The following MACF1 variants were observed in gnomAD, a reference collection of about 807,000 sequenced individuals.
MACF1 encodes the protein microtubule actin crosslinking factor 1.
MACF1 carries 193 observed loss-of-function variants against 854.8 expected under a neutral mutation model. That is an observed-to-expected ratio of 0.23 (90% CI 0.20 to 0.25). MACF1 has a LOEUF of 0.25. Ranked by LOEUF, MACF1 falls within the 10% of genes least tolerant of loss-of-function variation. The pLI, the probability that MACF1 is intolerant of heterozygous loss-of-function variation, is 1.00. For synonymous variants in MACF1, 3,185 were observed against 3,226.7 expected (o/e 0.99, Z 0.44); for missense variants, 7,722 against 8,929.1 (o/e 0.86, Z 5.45).
At chr1:39,453,948 CTG>C (rs1644386625) in intron 88 of MACF1, 98 bp downstream of exon 88, 1 of 1,374,172 alleles carries the variant, frequency 7.3e-7, no homozygotes, top group African/African-American at 1.4e-5. Context: ...CTTTCACTCA[CTG>C]TGAATAACTC....
In MACF1 at chr1:39,332,450, G is replaced by C. The variant is rs146588986; in HGVS notation, c.5862G>C (p.Lys1954Asn). Residue 1954 changes from lysine (K) to asparagine (N), a missense_variant, in exon 37 of 101, where the codon AAG becomes AAC. This residue lies in a region of MACF1 where 1,531 missense variants were observed against 1,601.6 expected (regional missense o/e 0.96). Transcript: ENST00000564288. ...AVLPCSKSHP[K>N]ATASQSENLL... Reference sequence around the variant, plus strand: ...TACCGTGCAGCAAGAGCCACCCTAAGGCCACAGCAAGCCAGAGTGAGAATC... The same window carrying C: ...TACCGTGCAGCAAGAGCCACCCTAACGCCACAGCAAGCCAGAGTGAGAATC... The C allele has an allele frequency of 6.2e-7, 1 of 1,613,876 alleles. No homozygotes were observed. The highest frequency in any genetic ancestry group is 1.3e-5 in the African/African-American group (1 of 74,908).
chr1:39,476,959 C>T (rs1185526128), intron 97 of MACF1, among the ~76,000 whole-genome samples: 1 of 144,448 alleles, frequency 6.9e-6, no homozygotes, highest in Non-Finnish European at 1.5e-5. Flanking sequence ...TCCCTGCCCA[C>T]TTCTAAAACA....
intron 2 of MACF1, among the ~76,000 whole-genome samples, chr1:39,197,983 A>G (rs1644342478): frequency 6.6e-6 from 1 of 152,080 alleles, no homozygotes; most frequent in Non-Finnish European, 1.5e-5. Flanking sequence ...AGATCACTTG[A>G]GCCCAGGAGT....
Position 39,118,406 on chromosome 1 carries a change from C to T in MACF1, c.220+33968C>T, listed in dbSNP as rs80312227. Among the ~76,000 whole-genome samples, 833 of 152,324 alleles carry T rather than the reference C, an allele frequency of 5.5e-3. 10 individuals carry two copies. Among genetic ancestry groups the T allele is most frequent in the Middle Eastern group, 0.017 (5 of 294 alleles). Reference sequence around the variant, plus strand: ...CAGAGTAGGTGGGGTACTTTGAGGTCCTCATACCTTTCAGAGGACTGGATC... The same window carrying T: ...CAGAGTAGGTGGGGTACTTTGAGGTTCTCATACCTTTCAGAGGACTGGATC... On this transcript the variant is annotated intron_variant, in intron 2 of 93. Coordinates refer to the MACF1 transcript ENST00000361689.
At chr1:39,476,370 A>G (rs1644882510) in intron 97 of MACF1, among the ~76,000 whole-genome samples, 1 of 151,982 alleles carries the variant, frequency 6.6e-6, no homozygotes, top group Non-Finnish European at 1.5e-5. Context: ...GGAGATGGAG[A>G]CCATCCTGGC....
chr1:39,280,789 G>A (rs1409546010), intron 6 of MACF1, among the ~76,000 whole-genome samples: 1 of 151,834 alleles, frequency 6.6e-6, no homozygotes, highest in Non-Finnish European at 1.5e-5. Flanking sequence ...TGTCGGCCAG[G>A]CTGGTCTCAA....
intron 7 of MACF1, 88 bp downstream of exon 7, chr1:39,282,462 ATC>A: frequency 7.7e-7 from 1 of 1,301,596 alleles, no homozygotes; most frequent in African/African-American, 1.5e-5. Context: ...CATCTCCTCA[ATC>A]AAAAATCAAA....
intron 23 of MACF1, among the ~76,000 whole-genome samples, chr1:39,307,901 C>CTTTTTT (rs34930273): frequency 7.1e-4 from 36 of 50,398 alleles, no homozygotes; most frequent in African/African-American, 1.7e-3. Context: ...TTCTTTCTTT[C>CTTTTTT]TTTTTTTTTT....
rs753230791 is a variant in MACF1 at position 39,382,132 on chromosome 1, G to A, written c.13828G>A (p.Ala4610Thr). Residue 4610 changes from alanine (A) to threonine (T), a missense_variant, in exon 56 of 101, where the codon GCA becomes ACA. This residue lies in a region of MACF1 where 2,807 missense variants were observed against 3,235.8 expected (regional missense o/e 0.87). Coordinates refer to ENST00000564288, the MANE Select transcript of MACF1 (RefSeq NM_001394062.1). ...GTCTATTGACCCCAACATGTTGAATGCACAAAAGCAACAGGTCCAGGTGAG... is the reference window on the plus strand; with the variant it reads ...GTCTATTGACCCCAACATGTTGAATACACAAAAGCAACAGGTCCAGGTGAG... ...PLSIDPNMLN[A>T]QKQQVQFMLK... 4 of 1,613,800 alleles carry A rather than the reference G, an allele frequency of 2.5e-6. No homozygotes were observed. In the South Asian group the frequency reaches 4.4e-5, roughly 18 times the overall value.
chr1:39,475,420 G>A (rs935656648), intron 97 of MACF1, among the ~76,000 whole-genome samples: 6 of 145,400 alleles, frequency 4.1e-5, no homozygotes, highest in Non-Finnish European at 7.5e-5. Flanking sequence ...AGTGAGCCAT[G>A]TTTGTGTCAC....
chr1:39,254,625 T>G (rs948858999), intron 5 of MACF1: 18 of 430,242 alleles, frequency 4.2e-5, no homozygotes, highest in Non-Finnish European at 7.4e-5. Context: ...AAGATGGAAT[T>G]TTGTGGATGC....
intron 6 of MACF1, among the ~76,000 whole-genome samples, chr1:39,275,165 A>G (rs956992971): frequency 3.4e-5 from 5 of 147,004 alleles, no homozygotes; most frequent in Non-Finnish European, 3.0e-5. Flanking sequence ...TGCAAGTTCC[A>G]TCTCCCAGGT....
chr1:39,334,185 G>A lies in MACF1; in HGVS notation c.7597G>A (p.Glu2533Lys), dbSNP rs371939396. Residue 2533 changes from glutamate to lysine, a missense_variant, in exon 37 of 101, where the codon GAG becomes AAG. Physicochemically the swap from Glu to Lys is moderately conservative, Grantham distance 56 (BLOSUM62 1). Transcript: ENST00000564288. ...TGGCTTAATTGGTGAAGATTTAGCC[G>A]AGAAACTCAAAAGAGTTGAGAACTT... ...RHGLIGEDLA[E>K]KLKRVENLNI... 10 of 1,613,946 alleles carry A rather than the reference G, an allele frequency of 6.2e-6. No individual in the cohort carries two copies. Among genetic ancestry groups the A allele is most frequent in the South Asian group, 3.3e-5 (3 of 91,066 alleles).
chr1:39,221,190 G>C (rs1042811237), intron 1 of MACF1, among the ~76,000 whole-genome samples: 6 of 152,160 alleles, frequency 3.9e-5, no homozygotes, highest in Non-Finnish European at 5.9e-5. Context: ...TCAGAGACCA[G>C]TTCTTTATCT....
intron 6 of MACF1, among the ~76,000 whole-genome samples, chr1:39,267,281 G>C (rs1355194258): frequency 1.3e-5 from 2 of 152,026 alleles, no homozygotes; most frequent in African/African-American, 2.4e-5. Flanking sequence ...GGCCAGGCTG[G>C]AGTGCAGTGA....
chr1:39,347,187 A>G lies in MACF1; in HGVS notation c.10792A>G (p.Met3598Val), dbSNP rs748916703. The change falls in exon 41 of 101, where the codon ATG (methionine) becomes GTG (valine). Residue 3598 changes from methionine to valine, a missense_variant. Transcript: ENST00000564288. ...VDALQGHLQQMEQEALVKTLQ... is the reference protein window; with the variant it reads ...VDALQGHLQQVEQEALVKTLQ... Reference sequence around the variant, plus strand: ...TGCCTTGCAGGGCCATCTTCAACAAATGGAGCAGGAAGCCCTGGTGAAGGT... The same window carrying G: ...TGCCTTGCAGGGCCATCTTCAACAAGTGGAGCAGGAAGCCCTGGTGAAGGT... 1.9e-6 allele frequency: 3 copies of G among 1,613,648 alleles called. No homozygotes were observed. The highest frequency in any genetic ancestry group is 3.3e-5 in the Admixed American group (2 of 59,992).
At chr1:39,235,312 T>C (rs1236081066) in intron 2 of MACF1, among the ~76,000 whole-genome samples, 3 of 152,240 alleles carry the variant, frequency 2.0e-5, no homozygotes, top group Non-Finnish European at 2.9e-5. Flanking sequence ...GAGACTGGCC[T>C]GGCCAACAGA....
At chr1:39,413,876 C>G (rs372060998) in intron 58 of MACF1, 15 of 1,610,348 alleles carry the variant, frequency 9.3e-6, no homozygotes, top group Admixed American at 1.7e-5. Context: ...TCAGTGCCCA[C>G]CCCTGCAGCT....
intron 2 of MACF1, among the ~76,000 whole-genome samples, chr1:39,244,225 C>T (rs866142671): frequency 6.6e-6 from 1 of 151,882 alleles, no homozygotes; most frequent in Non-Finnish European, 1.5e-5. Flanking sequence ...CTTTCTCAGC[C>T]TCCTGAGTAG....
Sources: allele counts gnomAD v4.1 joint callset (sites outside exome capture counted in the v4.1 genomes callset), GRCh38; gene constraint gnomAD v4.1.1; regional missense constraint gnomAD v4.1.1; transcripts MANE v1.5; gene names NCBI Gene and HGNC (gene_info 2026-07-23, HGNC 2026-07-21).